The following TNR variants were observed in gnomAD, a reference collection of about 807,000 sequenced individuals.
TNR encodes tenascin-R.
A neutral mutation model predicts 150.4 loss-of-function variants in TNR; 45 were observed. That is an observed-to-expected ratio of 0.30 (90% CI 0.24 to 0.38). The LOEUF is 0.38. Among genes scored for constraint, TNR ranks in the 10% least tolerant of loss-of-function variants. The pLI is 1.00. For synonymous variants in TNR, 687 were observed against 678.4 expected (o/e 1.01, Z -0.20); for missense variants, 1,544 against 1,759.1 (o/e 0.88, Z 2.19).
At chr1:175,453,285 T>C (rs1168155748) in intron 2 of TNR, among the ~76,000 whole-genome samples, 1 of 152,002 alleles carries the variant, frequency 6.6e-6, no homozygotes. Flanking sequence ...TGACGTGTTT[T>C]GGAAATAAAG....
At chr1:175,617,587 T>C (rs1663823183) in intron 1 of TNR, among the ~76,000 whole-genome samples, 1 of 152,198 alleles carries the variant, frequency 6.6e-6, no homozygotes, top group South Asian at 2.1e-4. Context: ...CAGCATTACC[T>C]GGGAACTTCT....
At chr1:175,398,384 G>A (rs1211932396) in intron 4 of TNR, among the ~76,000 whole-genome samples, 2 of 152,182 alleles carry the variant, frequency 1.3e-5, no homozygotes, top group Admixed American at 1.3e-4. Flanking sequence ...CTCAAGAAGT[G>A]TAAACGAAAT....
intron 1 of TNR, among the ~76,000 whole-genome samples, chr1:175,591,416 G>T (rs926179582): frequency 6.6e-6 from 1 of 152,208 alleles, no homozygotes; most frequent in Non-Finnish European, 1.5e-5. Context: ...GGAAACTAGT[G>T]CTTCAATTGC....
chr1:175,363,342 T>G (rs1200659297), intron 13 of TNR, among the ~76,000 whole-genome samples: 1 of 152,196 alleles, frequency 6.6e-6, no homozygotes, highest in Non-Finnish European at 1.5e-5. Flanking sequence ...CTTTGCTGGG[T>G]CTTTAGCCAT....
At chr1:175,482,470 T>G (rs1657852738) in intron 2 of TNR, among the ~76,000 whole-genome samples, 1 of 152,198 alleles carries the variant, frequency 6.6e-6, no homozygotes, top group South Asian at 2.1e-4. Flanking sequence ...CCAAGTTGTA[T>G]CTTATTAAAT....
chr1:175,530,237 G>A (rs900709116), intron 1 of TNR, among the ~76,000 whole-genome samples: 8 of 152,130 alleles, frequency 5.3e-5, no homozygotes, highest in Admixed American at 3.3e-4. Context: ...TTACTCCTGA[G>A]GGCTACGGCA....
chr1:175,521,602 C>T (rs1331827721), intron 2 of TNR, among the ~76,000 whole-genome samples: 1 of 152,228 alleles, frequency 6.6e-6, no homozygotes, highest in Non-Finnish European at 1.5e-5. Context: ...TCAACATCCT[C>T]AGAAACCTTT....
intron 1 of TNR, among the ~76,000 whole-genome samples, chr1:175,623,760 T>C (rs1309987231): frequency 1.3e-5 from 2 of 152,212 alleles, no homozygotes; most frequent in African/African-American, 4.8e-5. Context: ...CCCACATGTA[T>C]GATGATAAAA....
rs142258775 is a variant in TNR, at chr1:175,721,879, G to A, written c.-165+21347C>T. Among the ~76,000 whole-genome samples, 649 of 128,742 alleles carry A rather than the reference G, an allele frequency of 5.0e-3. 9 individuals carry two copies. The highest frequency in any genetic ancestry group is 0.018 in the African/African-American group (604 of 33,244). 84.5% of individuals were successfully genotyped at this position (128,742 alleles called of 152,430 possible). A position where few individuals can be genotyped will look rare whatever the true frequency, so the allele number is the denominator to read the frequency against. On this transcript the variant is annotated intron_variant, in intron 1 of 22. Transcript: ENST00000367674. Reference sequence around the variant, plus strand: ...CACTGACCAGCCTGCCTCCCCGGTCGGATGTGCTTCCCCTCTCTTGCAATC... The same window carrying A: ...CACTGACCAGCCTGCCTCCCCGGTCAGATGTGCTTCCCCTCTCTTGCAATC...
intron 1 of TNR, among the ~76,000 whole-genome samples, chr1:175,701,689 A>G (rs1166235838): frequency 6.6e-6 from 1 of 152,222 alleles, no homozygotes; most frequent in Non-Finnish European, 1.5e-5. Context: ...CAATTGTATT[A>G]ACAATGCTGT....
intron 1 of TNR, among the ~76,000 whole-genome samples, chr1:175,711,622 G>T (rs12042335): frequency 3.3e-5 from 5 of 152,248 alleles, no homozygotes; most frequent in South Asian, 2.1e-4. Flanking sequence ...TGGGGAGAAG[G>T]CTAGTGCAGT....
chr1:175,715,233 C>T (rs1571782472), intron 1 of TNR, among the ~76,000 whole-genome samples: 1 of 152,200 alleles, frequency 6.6e-6, no homozygotes, highest in Non-Finnish European at 1.5e-5. Context: ...AGTGACTGTG[C>T]TCTCAGTACC....
At chr1:175,712,412 A>G (rs1667042388) in intron 1 of TNR, among the ~76,000 whole-genome samples, 1 of 152,146 alleles carries the variant, frequency 6.6e-6, no homozygotes, top group Admixed American at 6.5e-5. Flanking sequence ...GCAATAACTC[A>G]AGAGTCCAAG....
At chr1:175,627,419 G>A (rs1182949955) in intron 1 of TNR, among the ~76,000 whole-genome samples, 2 of 152,190 alleles carry the variant, frequency 1.3e-5, no homozygotes, top group Non-Finnish European at 2.9e-5. Flanking sequence ...AGTGGATGGG[G>A]ATGGGCTTTA....
At chr1:175,512,662 C>A (rs1435591483) in intron 2 of TNR, among the ~76,000 whole-genome samples, 1 of 152,162 alleles carries the variant, frequency 6.6e-6, no homozygotes, top group Admixed American at 6.5e-5. Flanking sequence ...AGGAAAAGCA[C>A]CTTTAAGAGT....
At chr1:175,704,381 T>C (rs918835311) in intron 1 of TNR, among the ~76,000 whole-genome samples, 6 of 152,196 alleles carry the variant, frequency 3.9e-5, no homozygotes, top group Non-Finnish European at 7.3e-5. Flanking sequence ...AATTTGGATC[T>C]GGAAAGCTTG....
intron 15 of TNR, among the ~76,000 whole-genome samples, chr1:175,358,281 C>A (rs73036281): frequency 1.3e-5 from 2 of 152,074 alleles, no homozygotes; most frequent in African/African-American, 4.8e-5. Context: ...CCAAATATGA[C>A]CTTTCATGTA....
intron 1 of TNR, among the ~76,000 whole-genome samples, chr1:175,563,764 C>T (rs1339133794): frequency 6.6e-6 from 1 of 152,230 alleles, no homozygotes; most frequent in Non-Finnish European, 1.5e-5. Context: ...GCTGTGAGTG[C>T]TGGTATTGTC....
At chr1:175,434,895 C>T (rs1046908831) in intron 2 of TNR, among the ~76,000 whole-genome samples, 2 of 152,216 alleles carry the variant, frequency 1.3e-5, no homozygotes, top group Non-Finnish European at 2.9e-5. Flanking sequence ...TCTGATATCA[C>T]CTCTTCCAGG....
Sources: gnomAD v4.1 joint callset for allele counts (sites outside exome capture counted in the v4.1 genomes callset) on GRCh38, gnomAD v4.1.1 for gene constraint, MANE v1.5 for transcripts, NCBI Gene and HGNC (gene_info 2026-07-23, HGNC 2026-07-21) for gene names.